SYPL1: variants seen among roughly 807,000 people sequenced by gnomAD.
SYPL1 encodes synaptophysin like 1.
SYPL1 carries 6 observed loss-of-function variants against 23.7 expected under a neutral mutation model. The observed-to-expected ratio is 0.25, with a 90% CI of 0.14 to 0.50. SYPL1 has a LOEUF of 0.50. SYPL1 is among the 20% of genes least tolerant of loss of function. SYPL1 has a pLI of 0.98. For synonymous variants in SYPL1, 102 were observed against 104.5 expected (o/e 0.98, Z 0.15); for missense variants, 253 against 288.9 (o/e 0.88, Z 0.90).
intron 2 of SYPL1, 92 bp downstream of exon 2, chr7:106,099,066 T>C: frequency 6.7e-7 from 1 of 1,495,424 alleles, no homozygotes; most frequent in Non-Finnish European, 9.0e-7. Flanking sequence ...TAAAATTTTC[T>C]ACCCCCCACA....
chr7:106,097,603 C>T lies in SYPL1; in HGVS notation c.402+87G>A, dbSNP rs1412767076. On this transcript the variant is annotated intron_variant, in intron 3 of 4. Coordinates refer to ENST00000455385, the MANE Select transcript of SYPL1 (RefSeq NM_182715.4). This position sits in a 1 kb window ranked among gnomAD's most constrained non-coding sequence, Gnocchi z 4.6. ...CTAAAATATGCTGAACTGGCTTACACCAAGAATTTTTATTTCCAGTATAAG... is the reference window on the plus strand; with the variant it reads ...CTAAAATATGCTGAACTGGCTTACATCAAGAATTTTTATTTCCAGTATAAG... 1.6e-6 allele frequency: 2 copies of T among 1,271,320 alleles called. No homozygotes were observed. 78.8% of individuals were successfully genotyped at this position (1,271,320 alleles called of 1,614,324 possible). A position where few individuals can be genotyped will look rare whatever the true frequency, so the allele number is the denominator to read the frequency against.
intron 4 of SYPL1, chr7:106,092,672 C>CAAAAAAAA (rs549863505): frequency 3.3e-5 from 9 of 271,642 alleles, no homozygotes; most frequent in South Asian, 7.8e-5. Context: ...AACTCCATCT[C>CAAAAAAAA]AAAAAAAAAA....
chr7:106,098,931 T>C (rs1840166553), intron 2 of SYPL1, among the ~76,000 whole-genome samples: 1 of 152,214 alleles, frequency 6.6e-6, no homozygotes, highest in Admixed American at 6.5e-5. Flanking sequence ...GTTATAAAAG[T>C]TTCTAAATGC....
rs550384230 is a variant in SYPL1, at chr7:106,104,676, T to G, written c.70-5394A>C. 1.3e-5 allele frequency among the ~76,000 whole-genome samples: 2 copies of G among 152,342 alleles called. No individual in the cohort carries two copies. Among genetic ancestry groups the G allele is most frequent in the African/African-American group, 4.8e-5 (2 of 41,588 alleles). The stretch of plus-strand genomic sequence containing the variant: ...CTTACATAATTATTATTTTAAAGCT[T>G]TTTGTTATAAGGATAGATAAATATC... On this transcript the variant is annotated intron_variant, in intron 1 of 4. Transcript: ENST00000455385. The surrounding 1 kb of genome is among the most constrained non-coding windows in gnomAD (Gnocchi z 4.1).
chr7:106,110,231 C>G (rs1007135286), intron 1 of SYPL1, among the ~76,000 whole-genome samples: 21 of 152,140 alleles, frequency 1.4e-4, no homozygotes, highest in African/African-American at 5.1e-4. Context: ...CCAACTAACC[C>G]CCAATTACTT....
rs1790035381 is a variant in SYPL1, at chr7:106,109,422, A to G, written c.69+2718T>C. ...CAACTAGTCCTTATTTTACTTTACC[A>G]TTCTATTGCACCTTACGTTTTGGGG... On this transcript the variant is annotated intron_variant, in intron 1 of 4. Transcript: ENST00000455385. The surrounding 1 kb of genome is among the most constrained non-coding windows in gnomAD (Gnocchi z 4.3). Among the ~76,000 whole-genome samples the G allele has an allele frequency of 6.6e-6, 1 of 152,150 alleles. No individual in the cohort carries two copies. Among genetic ancestry groups the G allele is most frequent in the Admixed American group, 6.5e-5 (1 of 15,274 alleles).
chr7:106,092,073 T>C, intron 4 of SYPL1, 134 bp from the exon 5 acceptor site: 2 of 808,336 alleles, frequency 2.5e-6, no homozygotes, highest in Admixed American at 6.0e-5. Context: ...TAAAGTTTAA[T>C]ACTACACACA....
intron 1 of SYPL1, 92 bp from the exon 2 acceptor site, chr7:106,099,374 AT>A: frequency 7.2e-7 from 1 of 1,388,248 alleles, no homozygotes. Context: ...AAGCACACTG[AT>A]TATTAAAAAT....
chr7:106,108,065 A>C (rs1170458593), intron 1 of SYPL1, among the ~76,000 whole-genome samples: 1 of 151,812 alleles, frequency 6.6e-6, no homozygotes, highest in Non-Finnish European at 1.5e-5. Context: ...TGTAGTGGCG[A>C]GCGCCTGTAA....
rs919979440 is a variant in SYPL1 at position 106,099,067 on chromosome 7, A to AC, written c.194+90dup. Reference sequence around the variant, plus strand: ...ATGAGCATACAGTCTAAAATTTTCTACCCCCCACAATCAATAAATTGCTGG... The same window carrying AC: ...ATGAGCATACAGTCTAAAATTTTCTACCCCCCCACAATCAATAAATTGCTGG... On this transcript the variant is annotated intron_variant, in intron 2 of 4. Transcript: ENST00000455385. The AC allele has an allele frequency of 7.4e-6, 11 of 1,495,954 alleles. No individual in the cohort carries two copies. The Admixed American group carries it at 1.5e-4, about 20-fold the overall frequency. 92.7% of individuals were successfully genotyped at this position (1,495,954 alleles called of 1,614,324 possible).
chr7:106,102,955 A>C (rs928958488), intron 1 of SYPL1, among the ~76,000 whole-genome samples: 1 of 152,228 alleles, frequency 6.6e-6, no homozygotes. Flanking sequence ...GAACCATAAA[A>C]GATTGTTAAA....
intron 3 of SYPL1, among the ~76,000 whole-genome samples, chr7:106,093,470 T>C (rs1170291826): frequency 6.6e-6 from 1 of 152,180 alleles, no homozygotes; most frequent in Admixed American, 6.5e-5. Flanking sequence ...TCATCACCAA[T>C]AACTGTATCC....
Position 106,091,223 on chromosome 7 carries a change from A to G in SYPL1, c.*582T>C, listed in dbSNP as rs2116049328. On this transcript the variant is annotated 3_prime_UTR_variant, in exon 5 of 5. Coordinates refer to ENST00000455385, the MANE Select transcript of SYPL1 (RefSeq NM_182715.4). The surrounding 1 kb of genome is among the most constrained non-coding windows in gnomAD (Gnocchi z 5.0). ...AAATCCCTGCTCCCAACACAATTTT[A>G]GTACACCTATTAAGTACCACGGGTC... 6.6e-6 allele frequency: 1 copy of G among 152,376 alleles called. No homozygotes were observed. Among genetic ancestry groups the G allele is most frequent in the Middle Eastern group, 3.4e-3 (1 of 294 alleles). 9.4% of individuals were successfully genotyped at this position (152,376 alleles called of 1,614,324 possible). A position where few individuals can be genotyped will look rare whatever the true frequency, so the allele number is the denominator to read the frequency against.
In SYPL1 at chr7:106,096,097, A is replaced by G. The variant is rs577720201; in HGVS notation, c.402+1593T>C. Among the ~76,000 whole-genome samples, 1 of 152,360 alleles carries G rather than the reference A, an allele frequency of 6.6e-6. No individual in the cohort carries two copies. On this transcript the variant is annotated intron_variant, in intron 3 of 4. Transcript: ENST00000455385. The surrounding 1 kb of genome is among the most constrained non-coding windows in gnomAD (Gnocchi z 4.4). ...TAAGATTATTCCAGTTCCCTTTTAAATAAGATTTGAAAAGTCTGCAGAAGA... is the reference window on the plus strand; with the variant it reads ...TAAGATTATTCCAGTTCCCTTTTAAGTAAGATTTGAAAAGTCTGCAGAAGA...
intron 1 of SYPL1, 109 bp downstream of exon 1, chr7:106,112,031 C>T: frequency 8.6e-7 from 1 of 1,166,166 alleles, no homozygotes; most frequent in Non-Finnish European, 1.1e-6. Flanking sequence ...GGGCGGCGGC[C>T]TCAAAGCCCG....
intron 1 of SYPL1, among the ~76,000 whole-genome samples, chr7:106,106,551 C>CAA (rs760354395): frequency 1.7e-5 from 2 of 117,450 alleles, no homozygotes; most frequent in African/African-American, 6.3e-5. Context: ...GACTCTGTCT[C>CAA]AAAAAAAAAA....
chr7:106,095,501 A>C lies in SYPL1; in HGVS notation c.402+2189T>G, dbSNP rs1180816022. ...GTAGCTGGGATTACAGGTGCCCACCACCATGTCCAGCTAATTTTTGTATTT... is the reference window on the plus strand; with the variant it reads ...GTAGCTGGGATTACAGGTGCCCACCCCCATGTCCAGCTAATTTTTGTATTT... On this transcript the variant is annotated intron_variant, in intron 3 of 4. Coordinates refer to ENST00000455385, the MANE Select transcript of SYPL1 (RefSeq NM_182715.4). This position sits in a 1 kb window ranked among gnomAD's most constrained non-coding sequence, Gnocchi z 4.3. 2.6e-5 allele frequency among the ~76,000 whole-genome samples: 4 copies of C among 151,956 alleles called. No homozygotes were observed. Among genetic ancestry groups the C allele is most frequent in the Non-Finnish European group, 5.9e-5 (4 of 67,992 alleles).
rs972159621 is a variant in SYPL1 at position 106,095,836 on chromosome 7, T to C, written c.402+1854A>G. On this transcript the variant is annotated intron_variant, in intron 3 of 4. Coordinates refer to ENST00000455385, the MANE Select transcript of SYPL1 (RefSeq NM_182715.4). This position sits in a 1 kb window ranked among gnomAD's most constrained non-coding sequence, Gnocchi z 4.3. The stretch of plus-strand genomic sequence containing the variant: ...GTCATTCTGAGGTGGAAAATTACTT[T>C]TTACGTTTCTGAATGATGCAACTAG... 2.0e-5 allele frequency among the ~76,000 whole-genome samples: 3 copies of C among 152,178 alleles called. No individual in the cohort carries two copies. The highest frequency in any genetic ancestry group is 4.4e-5 in the Non-Finnish European group (3 of 68,028).
intron 1 of SYPL1, among the ~76,000 whole-genome samples, chr7:106,108,358 T>C (rs953391657): frequency 5.9e-5 from 9 of 152,218 alleles, no homozygotes; most frequent in African/African-American, 9.6e-5. Context: ...TTGTTGCCAC[T>C]GACATAATTT....
Sources: gnomAD v4.1 joint callset for allele counts (sites outside exome capture counted in the v4.1 genomes callset) on GRCh38, gnomAD v4.1.1 for gene constraint, Gnocchi (gnomAD v3.1) non-coding constraint, MANE v1.5 for transcripts, NCBI Gene and HGNC (gene_info 2026-07-23, HGNC 2026-07-21) for gene names.